Variants in SLC30A10 observed in about 807,000 individuals in gnomAD.
SLC30A10 encodes the protein calcium/manganese antiporter SLC30A10.
In SLC30A10, 8 loss-of-function variants were observed where a neutral mutation model predicts 21.7. The ratio of observed to expected loss-of-function variants is 0.37; its 90% CI spans 0.22 to 0.67. SLC30A10 has a LOEUF of 0.67. Among genes scored for constraint, SLC30A10 ranks in the 30% least tolerant of loss-of-function variants. The probability of loss-of-function intolerance (pLI) is 0.58; values close to 1 mark genes in which losing one functional copy is unlikely to be tolerated. For missense variants in SLC30A10, 521 were observed against 642.5 expected, an observed-to-expected ratio of 0.81 and a Z score of 2.04; for synonymous variants, 272 against 279.4, an observed-to-expected ratio of 0.97 and a Z score of 0.26.
chr1:219,918,367 G>T lies in SLC30A10; in HGVS notation c.846C>A (p.Ser282Arg), dbSNP rs773850682. 6.2e-7 allele frequency: 1 copy of T among 1,614,102 alleles called. No individual in the cohort carries two copies. Reference protein sequence around the residue: ...PCNWQCYIDPSLTVLMVIIIL... With the variant: ...PCNWQCYIDPRLTVLMVIIIL... ...TGATGATGACCATGAGGACAGTCAG[G>T]CTGGGGTCAATGTAACACTGCCAGT... Residue 282 changes from serine to arginine, a missense_variant, in exon 3 of 4, where the codon AGC (serine) becomes AGA (arginine). Physicochemically the swap from Ser to Arg is moderately radical, Grantham distance 110. Transcript: ENST00000366926. The surrounding 1 kb of genome is among the most constrained non-coding windows in gnomAD (Gnocchi z 4.4).
intron 2 of SLC30A10, among the ~76,000 whole-genome samples, chr1:219,921,755 T>C (rs1231123343): frequency 6.6e-6 from 1 of 152,134 alleles, no homozygotes; most frequent in African/African-American, 2.4e-5. Flanking sequence ...AGTATCCCAC[T>C]CAATTCCTGA....
At chr1:219,932,465 G>A (rs1478631733), upstream of SLC30A10, among the ~76,000 whole-genome samples, 1 of 151,976 alleles carries the variant, frequency 6.6e-6, no homozygotes, top group Non-Finnish European at 1.5e-5. Flanking sequence ...ATCTGTTTTT[G>A]TTTTTAGTTC....
intron 1 of SLC30A10, among the ~76,000 whole-genome samples, chr1:219,937,384 A>G (rs939009579): frequency 1.3e-5 from 2 of 152,182 alleles, no homozygotes; most frequent in Non-Finnish European, 2.9e-5. Context: ...CAGAAAAAAA[A>G]TCTTCTATTA....
Position 219,954,678 on chromosome 1 carries a change from C to G in SLC30A10, n.80+3890G>C, listed in dbSNP as rs200336850. Reference sequence around the variant, plus strand: ...CCTGGGCAACAGAGTGAGACTCCATCTCAAAAAAAAAAAAAAAAAAAAAAA... The same window carrying G: ...CCTGGGCAACAGAGTGAGACTCCATGTCAAAAAAAAAAAAAAAAAAAAAAA... On this transcript the variant is annotated intron_variant and non_coding_transcript_variant, in intron 1 of 8. Transcript: ENST00000484239. Among the ~76,000 whole-genome samples, 9 of 36,086 alleles carry G rather than the reference C, an allele frequency of 2.5e-4. No homozygotes were observed. The East Asian group carries it at 7.1e-3, about 29-fold the overall frequency. The allele number at this position is 36,086 out of a possible 152,430, so 23.7% of individuals were successfully genotyped here. A position where few individuals can be genotyped will look rare whatever the true frequency, so the allele number is the denominator to read the frequency against.
intron 1 of SLC30A10, among the ~76,000 whole-genome samples, chr1:219,946,831 C>T (rs1660191598): frequency 6.6e-6 from 1 of 152,118 alleles, no homozygotes; most frequent in African/African-American, 2.4e-5. Context: ...CAGCTTTTAC[C>T]AAAAACACTG....
chr1:219,953,470 C>T (rs1660299257), intron 1 of SLC30A10, among the ~76,000 whole-genome samples: 3 of 151,682 alleles, frequency 2.0e-5, no homozygotes, highest in South Asian at 2.1e-4. Flanking sequence ...GTGGCACAAG[C>T]CTGTAATCCC....
chr1:219,917,708 C>CTTTTTTTTTTTTTTTTTTTTTTTTTT (rs35106027), intron 3 of SLC30A10, among the ~76,000 whole-genome samples: 1 of 104,106 alleles, frequency 9.6e-6, no homozygotes, highest in Non-Finnish European at 1.9e-5. Context: ...TTTTTCTTTC[C>CTTTTTTTTTTTTTTTTTTTTTTTTTT]TTTTTTTTTT....
chr1:219,911,158 T>TG lies in SLC30A10; in HGVS notation c.*4290_*4291insC, dbSNP rs1659405973. 9.4e-6 allele frequency among the ~76,000 whole-genome samples: 1 copy of TG among 106,912 alleles called. No individual in the cohort carries two copies. Among genetic ancestry groups the TG allele is most frequent in the African/African-American group, 4.6e-5 (1 of 21,964 alleles). 70.1% of individuals were successfully genotyped at this position (106,912 alleles called of 152,430 possible). A position where few individuals can be genotyped will look rare whatever the true frequency, so the allele number is the denominator to read the frequency against. On this transcript the variant is annotated 3_prime_UTR_variant, in exon 4 of 4. Coordinates refer to ENST00000366926, the MANE Select transcript of SLC30A10 (RefSeq NM_018713.3). ...CATTTTTTCTACATCAGTTTTTTTT[T>TG]TTTTTTTTTTTTTTTTGCAGTCTTT...
chr1:219,943,413 G>A (rs1456206656), intron 1 of SLC30A10, among the ~76,000 whole-genome samples: 1 of 152,154 alleles, frequency 6.6e-6, no homozygotes, highest in Non-Finnish European at 1.5e-5. Flanking sequence ...GAGGCCAAGT[G>A]GGAAACTTGG....
At chr1:219,922,882 G>T (rs1659729891) in intron 2 of SLC30A10, among the ~76,000 whole-genome samples, 1 of 152,178 alleles carries the variant, frequency 6.6e-6, no homozygotes, top group Admixed American at 6.5e-5. Flanking sequence ...ACATTAAAGA[G>T]ATGAAGTTCC....
chr1:219,950,074 C>G (rs1660247849), intron 1 of SLC30A10, among the ~76,000 whole-genome samples: 1 of 152,144 alleles, frequency 6.6e-6, no homozygotes, highest in Admixed American at 6.5e-5. Flanking sequence ...TATCTGTTGA[C>G]AGAAGAGAGG....
chr1:219,949,539 T>C (rs1558261065), intron 1 of SLC30A10, among the ~76,000 whole-genome samples: 1 of 151,914 alleles, frequency 6.6e-6, no homozygotes. Context: ...TTCTCACTCA[T>C]AGGTGGGAAT....
rs114306275 is a variant in SLC30A10 at position 219,958,306 on chromosome 1, C to A, written n.80+262G>T. 5.0e-3 allele frequency among the ~76,000 whole-genome samples: 757 copies of A among 152,250 alleles called. 7 individuals carry two copies. Among genetic ancestry groups the A allele is most frequent in the African/African-American group, 0.018 (731 of 41,540 alleles). On this transcript the variant is annotated intron_variant and non_coding_transcript_variant, in intron 1 of 8. Coordinates refer to the SLC30A10 transcript ENST00000484239. ...GATTAGTGCCTTTACTTCCTCTCTG[C>A]GTGCCTGAAGACACTTTTTCATTCC...
intron 1 of SLC30A10, among the ~76,000 whole-genome samples, chr1:219,955,238 T>A (rs1374369814): frequency 6.6e-6 from 1 of 152,180 alleles, no homozygotes; most frequent in Non-Finnish European, 1.5e-5. Context: ...CATCGACCAT[T>A]GTGGACTTTA....
chr1:219,950,366 G>T (rs538522012), intron 1 of SLC30A10, among the ~76,000 whole-genome samples: 1 of 152,188 alleles, frequency 6.6e-6, no homozygotes, highest in African/African-American at 2.4e-5. Flanking sequence ...CTGGCTGGGC[G>T]CGGTGGCTCA....
At chr1:219,950,775 C>T (rs753208753) in intron 1 of SLC30A10, among the ~76,000 whole-genome samples, 15 of 151,588 alleles carry the variant, frequency 9.9e-5, no homozygotes, top group Non-Finnish European at 1.9e-4. Context: ...CATGAAACCC[C>T]ATCTCTACTA....
At chr1:219,926,843 T>C (rs1659837723) in intron 2 of SLC30A10, among the ~76,000 whole-genome samples, 185 bp downstream of exon 2, 1 of 152,176 alleles carries the variant, frequency 6.6e-6, no homozygotes, top group Admixed American at 6.5e-5. Context: ...GATAAATCAT[T>C]AGCAACCAGT....
intron 1 of SLC30A10, among the ~76,000 whole-genome samples, chr1:219,939,549 C>T (rs979161440): frequency 2.8e-4 from 42 of 152,248 alleles, no homozygotes; most frequent in African/African-American, 9.1e-4. Flanking sequence ...CCTGCCTCAG[C>T]CTCCCAAGTA....
intron 1 of SLC30A10, among the ~76,000 whole-genome samples, chr1:219,957,763 T>G (rs1204431347): frequency 6.6e-6 from 1 of 152,142 alleles, no homozygotes; most frequent in Non-Finnish European, 1.5e-5. Flanking sequence ...CTGATACATA[T>G]ATACTTACAA....
Sources: allele counts gnomAD v4.1 joint callset (sites outside exome capture counted in the v4.1 genomes callset), GRCh38; gene constraint gnomAD v4.1.1; non-coding constraint Gnocchi (gnomAD v3.1); transcripts MANE v1.5; gene names NCBI Gene and HGNC (gene_info 2026-07-23, HGNC 2026-07-21).